Variants in CCDC85C observed in about 807,000 individuals in gnomAD.
The protein encoded by CCDC85C is coiled-coil domain containing 85C, also known as coiled-coil domain-containing protein 85C.
In CCDC85C, 18 loss-of-function variants were observed where a neutral mutation model predicts 38.3. The observed-to-expected ratio is 0.47, with a 90% CI of 0.33 to 0.70. The LOEUF (loss-of-function observed/expected upper bound fraction) is 0.70. Among genes scored for constraint, CCDC85C ranks in the 30% least tolerant of loss-of-function variants. CCDC85C has a pLI of 0.03. For synonymous variants in CCDC85C, 264 were observed against 293.8 expected (o/e 0.90, Z 1.04); for missense variants, 566 against 621.2 (o/e 0.91, Z 0.94).
In CCDC85C at chr14:99,507,069, T is replaced by C. The variant is rs982146603; in HGVS notation, c.*8177A>G. 4.4e-6 allele frequency: 7 copies of C among 1,590,958 alleles called. No homozygotes were observed. The highest frequency in any genetic ancestry group is 6.0e-6 in the Non-Finnish European group (7 of 1,158,904). ...GAGTGGTTTTCTAATCTGCTTTTTC[T>C]TTGTAGAACCACCACCACCTAAAAT... On this transcript the variant is annotated 3_prime_UTR_variant, in exon 6 of 6. Transcript: ENST00000380243.
At chr14:99,583,752 G>A (rs2054998831) in intron 1 of CCDC85C, among the ~76,000 whole-genome samples, 1 of 150,436 alleles carries the variant, frequency 6.6e-6, no homozygotes, top group Non-Finnish European at 1.5e-5. Context: ...AGGTTGCAGT[G>A]AGCCGAGATC....
intron 3 of CCDC85C, among the ~76,000 whole-genome samples, chr14:99,518,252 G>A (rs370106703): frequency 2.7e-5 from 4 of 147,888 alleles, no homozygotes; most frequent in Admixed American, 6.7e-5. Flanking sequence ...TGCCCTCCCC[G>A]CCCGCCCTGG....
chr14:99,589,822 C>T (rs2055066446), intron 1 of CCDC85C, among the ~76,000 whole-genome samples: 1 of 152,164 alleles, frequency 6.6e-6, no homozygotes, highest in Admixed American at 6.5e-5. Flanking sequence ...AAGCAACAGC[C>T]AGGAGAATCC....
intron 1 of CCDC85C, among the ~76,000 whole-genome samples, chr14:99,550,263 A>G (rs1159887453): frequency 6.6e-6 from 1 of 152,226 alleles, no homozygotes; most frequent in Non-Finnish European, 1.5e-5. Context: ...GGTGGGCCCA[A>G]TCTAACTGCA....
intron 1 of CCDC85C, among the ~76,000 whole-genome samples, chr14:99,561,458 G>A (rs1306237252): frequency 6.6e-6 from 1 of 152,186 alleles, no homozygotes; most frequent in Non-Finnish European, 1.5e-5. Context: ...GCAGCAGAGC[G>A]CTCTGCTGGT....
chr14:99,510,734 C>T lies in CCDC85C; in HGVS notation c.*4512G>A, dbSNP rs774928554. 23 of 1,439,630 alleles carry T rather than the reference C, an allele frequency of 1.6e-5. 1 individual carries two copies. Among genetic ancestry groups the T allele is most frequent in the Middle Eastern group, 2.0e-4 (1 of 5,054 alleles). The allele number at this position is 1,439,630 out of a possible 1,614,324, so 89.2% of individuals were successfully genotyped here. A position where few individuals can be genotyped will look rare whatever the true frequency, so the allele number is the denominator to read the frequency against. On this transcript the variant is annotated 3_prime_UTR_variant, in exon 6 of 6. Transcript: ENST00000380243. ...CTGTGCCCCCGCCCATTCCCCCACC[C>T]GGCATGCCTCCAGTTGGGGGGCTGG...
At position 99,568,246 on chromosome 14, in the gene CCDC85C, C is replaced by CTT. The variant is rs776784723; in HGVS notation, c.794-32160_794-32159dup. Among the ~76,000 whole-genome samples the CTT allele has an allele frequency of 2.7e-3, 308 of 114,462 alleles. 51 individuals are homozygous for CTT. Among genetic ancestry groups the CTT allele is most frequent in the African/African-American group, 0.01 (266 of 26,378 alleles). 75.1% of individuals were successfully genotyped at this position (114,462 alleles called of 152,430 possible). ...AGACACTCTCTGGAGGCCACCTGCC[C>CTT]TTTATTTTTTTTTTTTTTTTTTTTG... On this transcript the variant is annotated intron_variant, in intron 1 of 5. Transcript: ENST00000380243.
chr14:99,555,897 C>T (rs968331917), intron 1 of CCDC85C, among the ~76,000 whole-genome samples: 2 of 152,236 alleles, frequency 1.3e-5, no homozygotes, highest in Non-Finnish European at 1.5e-5. Context: ...ACCTCAGGTT[C>T]CCCTGATCAG....
At chr14:99,595,726 A>G (rs575504789) in intron 1 of CCDC85C, among the ~76,000 whole-genome samples, 2 of 152,340 alleles carry the variant, frequency 1.3e-5, no homozygotes, top group Non-Finnish European at 1.5e-5. Context: ...CGGCTGGCAC[A>G]GGCTCCGGGT....
chr14:99,603,258 C>T lies in CCDC85C; in HGVS notation c.702G>A (p.Lys234=). The T allele has an allele frequency of 7.2e-7, 1 of 1,391,200 alleles. No individual in the cohort carries two copies. The highest frequency in any genetic ancestry group is 1.6e-5 in the South Asian group (1 of 63,000). The allele number at this position is 1,391,200 out of a possible 1,614,324, so 86.2% of individuals were successfully genotyped here. ...PPPLLPPGPH[K]APDGKAGATR... The stretch of plus-strand genomic sequence containing the variant: ...TGGCTCCTGCCTTGCCGTCGGGGGC[C>T]TTGTGCGGCCCGGGGGGCAGCAGCG... The change falls in exon 1 of 6, where the codon AAG becomes AAA. Residue 234 remains lysine, a synonymous_variant. Transcript: ENST00000380243. The surrounding 1 kb of genome is among the most constrained non-coding windows in gnomAD (Gnocchi z 7.5).
chr14:99,570,682 C>T (rs1566777537), intron 1 of CCDC85C, among the ~76,000 whole-genome samples: 2 of 152,144 alleles, frequency 1.3e-5, no homozygotes, highest in African/African-American at 2.4e-5. Context: ...GGGGTCTTCC[C>T]GGCACCAGAT....
At chr14:99,551,580 A>AGGTGGGTGTGCAGGTGAGTGC (rs1897909573) in intron 1 of CCDC85C, among the ~76,000 whole-genome samples, 2 of 143,558 alleles carry the variant, frequency 1.4e-5, no homozygotes, top group Non-Finnish European at 3.0e-5. Flanking sequence ...CAGGTGAGTG[A>AGGTGGGTGTGCAGGTGAGTGC]GCAGGTGGGT....
chr14:99,551,132 A>G (rs1897898527), intron 1 of CCDC85C, among the ~76,000 whole-genome samples: 2 of 152,150 alleles, frequency 1.3e-5, no homozygotes, highest in Non-Finnish European at 2.9e-5. Context: ...ATGACAAACC[A>G]ATGCTAATTC....
Position 99,509,895 on chromosome 14 carries a change from G to A in CCDC85C, c.*5351C>T, listed in dbSNP as rs2139886167. On this transcript the variant is annotated 3_prime_UTR_variant, in exon 6 of 6. Transcript: ENST00000380243. ...ACAAGGGGGCTTCGGGTGCTGCCGAGACTGCCTGTAGGTGGTGTGGTCAGG... is the reference window on the plus strand; with the variant it reads ...ACAAGGGGGCTTCGGGTGCTGCCGAAACTGCCTGTAGGTGGTGTGGTCAGG... 1.7e-5 allele frequency: 9 copies of A among 540,686 alleles called. No individual in the cohort carries two copies. The highest frequency in any genetic ancestry group is 4.9e-4 in the Middle Eastern group (1 of 2,034). 33.5% of individuals were successfully genotyped at this position (540,686 alleles called of 1,614,324 possible).
At chr14:99,565,301 G>T (rs1381283238) in intron 1 of CCDC85C, among the ~76,000 whole-genome samples, 1 of 152,218 alleles carries the variant, frequency 6.6e-6, no homozygotes, top group East Asian at 1.9e-4. Flanking sequence ...GCTCTGAGCA[G>T]GCTCTCTCAC....
At chr14:99,600,358 A>G (rs1442059631) in intron 1 of CCDC85C, among the ~76,000 whole-genome samples, 2 of 152,190 alleles carry the variant, frequency 1.3e-5, no homozygotes, top group East Asian at 3.9e-4. Flanking sequence ...TACATGGAGG[A>G]GCTGAGATTC....
intron 1 of CCDC85C, among the ~76,000 whole-genome samples, chr14:99,583,469 A>G (rs1212226144): frequency 7.4e-6 from 1 of 135,552 alleles, no homozygotes; most frequent in African/African-American, 2.9e-5. Context: ...GCATGATCGC[A>G]CTCCAGGCTG....
At position 99,520,444 on chromosome 14, in the gene CCDC85C, GCCCC is replaced by G. The variant is rs1897287366; in HGVS notation, c.975+1685_975+1688del. Among the ~76,000 whole-genome samples the G allele has an allele frequency of 3.5e-5, 1 of 28,408 alleles. No individual in the cohort carries two copies. The highest frequency in any genetic ancestry group is 1.7e-4 in the Non-Finnish European group (1 of 5,948). 18.6% of individuals were successfully genotyped at this position (28,408 alleles called of 152,430 possible). ...TGCCCGCCGACCAGCCCCGATCACGGCCCCTGCACCTCAGTTCATCCCATTCCTG... is the reference window on the plus strand; with the variant it reads ...TGCCCGCCGACCAGCCCCGATCACGGTGCACCTCAGTTCATCCCATTCCTG... On this transcript the variant is annotated intron_variant, in intron 3 of 5. Transcript: ENST00000380243. The surrounding 1 kb of genome is among the most constrained non-coding windows in gnomAD (Gnocchi z 4.1).
Position 99,545,288 on chromosome 14 carries a change from C to T in CCDC85C, c.794-9200G>A, listed in dbSNP as rs74613278. On this transcript the variant is annotated intron_variant, in intron 1 of 5. Coordinates refer to ENST00000380243, the MANE Select transcript of CCDC85C (RefSeq NM_001144995.2). This position sits in a 1 kb window ranked among gnomAD's most constrained non-coding sequence, Gnocchi z 4.7. ...CAGCATTTAATTCCAGGAAAAGCCA[C>T]GAGGCTTCCCAATGACACTGCAATG... 6.3e-3 allele frequency among the ~76,000 whole-genome samples: 959 copies of T among 152,166 alleles called. 8 individuals carry two copies. The highest frequency in any genetic ancestry group is 0.022 in the African/African-American group (909 of 41,510).
Sources: allele counts gnomAD v4.1 joint callset (sites outside exome capture counted in the v4.1 genomes callset), GRCh38; gene constraint gnomAD v4.1.1; non-coding constraint Gnocchi (gnomAD v3.1); transcripts MANE v1.5; gene names NCBI Gene and HGNC (gene_info 2026-07-23, HGNC 2026-07-21).